Variants in NIF3L1 observed in about 807,000 individuals in gnomAD.
The protein encoded by NIF3L1 is NIF3-like protein 1.
In NIF3L1, 26 loss-of-function variants were observed where a neutral mutation model predicts 35.0. That is an observed-to-expected ratio of 0.74 (90% CI 0.54 to 1.03). The LOEUF (loss-of-function observed/expected upper bound fraction) is 1.03, where lower values mean the gene tolerates loss of function less well. Among genes scored for constraint, NIF3L1 ranks in the 50% least tolerant of loss-of-function variants. The probability of loss-of-function intolerance (pLI) is 0.00; values close to 1 mark genes in which losing one functional copy is unlikely to be tolerated. For missense variants in NIF3L1, 449 were observed against 466.3 expected (o/e 0.96, Z 0.34); for synonymous variants, 157 against 178.9 (o/e 0.88, Z 0.98).
At chr2:200,890,213 C>A (rs1053164059) in intron 1 of NIF3L1, among the ~76,000 whole-genome samples, 1 of 152,018 alleles carries the variant, frequency 6.6e-6, no homozygotes, top group Non-Finnish European at 1.5e-5. Flanking sequence ...CAAAAATTAG[C>A]CAGGTGTGGT....
chr2:200,895,489 T>G, intron 4 of NIF3L1, 99 bp downstream of exon 4: 30 of 1,180,492 alleles, frequency 2.5e-5, no homozygotes, highest in Middle Eastern at 2.0e-4. Flanking sequence ...TATTGAGGTA[T>G]ACCTTATTGA....
chr2:200,897,328 T>C, intron 5 of NIF3L1, 114 bp downstream of exon 5: 2 of 1,185,870 alleles, frequency 1.7e-6, no homozygotes, highest in Non-Finnish European at 2.4e-6. Context: ...TCATAGGAGA[T>C]AATTGGTTTA....
In NIF3L1 at chr2:200,891,964, C is replaced by G; in HGVS notation, c.21C>G (p.Arg7=). MLSSCV[R]PVPTTVRFVD... ...TCTGTATGTTGTCATCTTGCGTACG[C>G]CCAGTCCCCACGACAGTCCGGTTTG... The change falls in exon 2 of 7, where the codon CGC becomes CGG. Residue 7 remains arginine (R), a synonymous_variant. Coordinates refer to ENST00000409020, the MANE Select transcript of NIF3L1 (RefSeq NM_001369441.2). 6.2e-7 allele frequency: 1 copy of G among 1,612,188 alleles called. No homozygotes were observed. The highest frequency in any genetic ancestry group is 8.5e-7 in the Non-Finnish European group (1 of 1,178,836).
chr2:200,892,236 G>A lies in NIF3L1; in HGVS notation c.293G>A (p.Arg98Gln), dbSNP rs770012929. The change falls in exon 2 of 7, where the codon CGA becomes CAA. Residue 98 changes from arginine to glutamine, a missense_variant. By Grantham distance (43) the Arg-to-Gln change is conservative. Transcript: ENST00000409020. ...CTCTCCTACCATCCGCCTATCTTCC[G>A]ACCCATGAAGCGCATAACCTGGAAC... ...LILSYHPPIF[R>Q]PMKRITWNTW... is the part of the protein sequence containing the mutation. 4 of 1,614,138 alleles carry A rather than the reference G, an allele frequency of 2.5e-6. No homozygotes were observed. The highest frequency in any genetic ancestry group is 3.4e-6 in the Non-Finnish European group (4 of 1,180,038).
intron 1 of NIF3L1, among the ~76,000 whole-genome samples, chr2:200,890,149 G>A (rs568879517): frequency 6.6e-6 from 1 of 152,276 alleles, no homozygotes; most frequent in South Asian, 2.1e-4. Context: ...CTTGAGCGCA[G>A]GAGTTTGAGA....
At chr2:200,899,842 C>G (rs2040383265) in intron 6 of NIF3L1, among the ~76,000 whole-genome samples, 2 of 152,100 alleles carry the variant, frequency 1.3e-5, no homozygotes, top group African/African-American at 2.4e-5. Context: ...CCAAATCTTT[C>G]TAGAATCTTC....
intron 6 of NIF3L1, among the ~76,000 whole-genome samples, chr2:200,901,386 T>A (rs1054437729): frequency 6.6e-6 from 1 of 152,230 alleles, no homozygotes; most frequent in African/African-American, 2.4e-5. Context: ...TATACTTTTT[T>A]AAAAACTAGT....
At chr2:200,899,523 A>C in intron 6 of NIF3L1, 55 bp downstream of exon 6, 2 of 1,313,522 alleles carry the variant, frequency 1.5e-6, no homozygotes, top group Non-Finnish European at 2.2e-6. Flanking sequence ...CAAAAATGGC[A>C]AATTTTAGGA....
At position 200,903,697 on chromosome 2, in the gene NIF3L1, A is replaced by G; in HGVS notation, c.*19A>G. 6.2e-7 allele frequency: 1 copy of G among 1,601,306 alleles called. No individual in the cohort carries two copies. Among genetic ancestry groups the G allele is most frequent in the Middle Eastern group, 1.7e-4 (1 of 6,054 alleles). ...GGTATAATTGCAGAAACATCAGGATAACACATTCTACAAATCAGCTGGATG... is the reference window on the plus strand; with the variant it reads ...GGTATAATTGCAGAAACATCAGGATGACACATTCTACAAATCAGCTGGATG... On this transcript the variant is annotated 3_prime_UTR_variant, in exon 7 of 7. Transcript: ENST00000409020.
intron 5 of NIF3L1, 88 bp from the exon 6 acceptor site, chr2:200,899,297 A>G (rs556885467): frequency 1.0e-6 from 1 of 982,100 alleles, no homozygotes; most frequent in African/African-American, 1.6e-5. Context: ...TGAAATCTGT[A>G]TTATGTTTAG....
In NIF3L1 at chr2:200,892,215, C is replaced by G. The variant is rs771785505; in HGVS notation, c.272C>G (p.Ser91Cys). 6.2e-7 allele frequency: 1 copy of G among 1,614,196 alleles called. No individual in the cohort carries two copies. Among genetic ancestry groups the G allele is most frequent in the South Asian group, 1.1e-5 (1 of 91,080 alleles). The stretch of plus-strand genomic sequence containing the variant: ...CAAAAGAAGGCAGACCTCATTCTCT[C>G]CTACCATCCGCCTATCTTCCGACCC... ...VLQKKADLIL[S>C]YHPPIFRPMK... The change falls in exon 2 of 7, where the codon TCC becomes TGC. Residue 91 changes from serine (S) to cysteine (C), a missense_variant. Transcript: ENST00000409020.
chr2:200,902,953 T>C (rs1408069030), intron 6 of NIF3L1, among the ~76,000 whole-genome samples: 1 of 152,210 alleles, frequency 6.6e-6, no homozygotes, highest in Non-Finnish European at 1.5e-5. Context: ...ATTGGATAAT[T>C]GCCTTGGGGT....
At chr2:200,900,384 T>C (rs1273597872) in intron 6 of NIF3L1, among the ~76,000 whole-genome samples, 1 of 152,200 alleles carries the variant, frequency 6.6e-6, no homozygotes, top group African/African-American at 2.4e-5. Context: ...TTTGTTTACC[T>C]CCTCCTTCTT....
At chr2:200,897,325 A>C in intron 5 of NIF3L1, 111 bp downstream of exon 5, 2 of 1,212,280 alleles carry the variant, frequency 1.6e-6, no homozygotes, top group Non-Finnish European at 2.3e-6. Context: ...AGCTCATAGG[A>C]GATAATTGGT....
intron 4 of NIF3L1, among the ~76,000 whole-genome samples, chr2:200,895,778 A>C (rs780314908): frequency 2.0e-5 from 3 of 152,112 alleles, no homozygotes; most frequent in Non-Finnish European, 4.4e-5. Flanking sequence ...CTCTGCCTGG[A>C]CCATGTCATT....
Position 200,893,379 on chromosome 2 carries a change from CG to C in NIF3L1, c.572del (p.Gly191ValfsTer21). The C allele has an allele frequency of 6.2e-7, 1 of 1,613,778 alleles. No individual in the cohort carries two copies. ...KVMSAVKGID[G>X]VSVTSFSART... Reference sequence around the variant, plus strand: ...TCATGTCTGCAGTGAAAGGAATTGACGGTGTTTCTGTCACTTCTTTTTCTGC... The same window carrying C: ...TCATGTCTGCAGTGAAAGGAATTGACGTGTTTCTGTCACTTCTTTTTCTGC... On this transcript the variant is annotated frameshift_variant, in exon 3 of 7. Transcript: ENST00000409020. LOFTEE classifies it high-confidence loss of function.
chr2:200,902,334 G>A (rs562315247), intron 6 of NIF3L1, among the ~76,000 whole-genome samples: 1 of 152,286 alleles, frequency 6.6e-6, no homozygotes, highest in African/African-American at 2.4e-5. Flanking sequence ...TTGGGAGGCT[G>A]AGGCGGGCAG....
intron 3 of NIF3L1, among the ~76,000 whole-genome samples, 187 bp downstream of exon 3, chr2:200,893,595 GGTAA>G (rs1400766102): frequency 1.3e-5 from 2 of 152,056 alleles, no homozygotes; most frequent in Non-Finnish European, 2.9e-5. Flanking sequence ...CAATAAAAAC[GGTAA>G]GTAACACTAA....
chr2:200,901,869 C>T (rs1453654650), intron 6 of NIF3L1, among the ~76,000 whole-genome samples: 1 of 152,168 alleles, frequency 6.6e-6, no homozygotes, highest in Non-Finnish European at 1.5e-5. Context: ...TGTCACAGTA[C>T]AGGCAGCCAG....
Sources: gnomAD v4.1 joint callset for allele counts (sites outside exome capture counted in the v4.1 genomes callset) on GRCh38, gnomAD v4.1.1 for gene constraint, MANE v1.5 for transcripts, NCBI Gene and HGNC (gene_info 2026-07-23, HGNC 2026-07-21) for gene names.